The following SIAH3 variants were observed in gnomAD, a reference collection of about 807,000 sequenced individuals.
SIAH3 encodes the protein siah E3 ubiquitin protein ligase family member 3.
SIAH3 carries 9 observed loss-of-function variants against 12.6 expected under a neutral mutation model. The ratio of observed to expected loss-of-function variants is 0.72; its 90% CI spans 0.43 to 1.25. The LOEUF is 1.25. Ranked by LOEUF, SIAH3 falls within the 50% of genes most tolerant of loss-of-function variation. The probability of loss-of-function intolerance (pLI) is 0.00; values close to 1 mark genes in which losing one functional copy is unlikely to be tolerated. For missense variants in SIAH3, 390 were observed against 365.4 expected, an observed-to-expected ratio of 1.07 and a Z score of -0.55; for synonymous variants, 154 against 151.1, an observed-to-expected ratio of 1.02 and a Z score of -0.14.
At chr13:45,804,963 A>AACACACACACACAC (rs56315825) in intron 1 of SIAH3, among the ~76,000 whole-genome samples, 2 of 135,832 alleles carry the variant, frequency 1.5e-5, no homozygotes, top group Admixed American at 7.5e-5. Context: ...TCCCATTTAT[A>AACACACACACACAC]ACACACACAC....
intron 1 of SIAH3, among the ~76,000 whole-genome samples, chr13:45,792,328 C>A (rs1566087581): frequency 6.6e-6 from 1 of 151,678 alleles, no homozygotes. Flanking sequence ...TACCAGGGAG[C>A]TGCCACCATG....
chr13:45,780,805 A>C lies in SIAH3; in HGVS notation c.*2578T>G, dbSNP rs185051979. ...CCTGATGTGTGACCTTGAAAAGATC[A>C]CTTCATGTCTTAGAACCTCTATTCT... On this transcript the variant is annotated 3_prime_UTR_variant, in exon 2 of 2. Coordinates refer to ENST00000400405, the MANE Select transcript of SIAH3 (RefSeq NM_198849.3). 19 of 152,324 alleles carry C rather than the reference A, an allele frequency of 1.2e-4. No homozygotes were observed. The highest frequency in any genetic ancestry group is 6.5e-4 in the Admixed American group (10 of 15,300). 9.4% of individuals were successfully genotyped at this position (152,324 alleles called of 1,614,324 possible). A position where few individuals can be genotyped will look rare whatever the true frequency, so the allele number is the denominator to read the frequency against.
chr13:45,797,189 A>G (rs1278657995), intron 1 of SIAH3, among the ~76,000 whole-genome samples: 3 of 151,546 alleles, frequency 2.0e-5, no homozygotes, highest in African/African-American at 4.9e-5. Flanking sequence ...CTACATTTCA[A>G]CGTTGGTCCT....
At chr13:45,845,263 C>T (rs1028094198) in intron 1 of SIAH3, among the ~76,000 whole-genome samples, 1 of 88,596 alleles carries the variant, frequency 1.1e-5, no homozygotes, top group Non-Finnish European at 1.9e-5. Flanking sequence ...ATGCATTGTG[C>T]GTGTGTTAAA....
At chr13:45,803,133 T>G (rs906275203) in intron 1 of SIAH3, among the ~76,000 whole-genome samples, 3 of 152,020 alleles carry the variant, frequency 2.0e-5, no homozygotes, top group African/African-American at 7.2e-5. Flanking sequence ...AGGAGTGCCT[T>G]AATCTTTTAA....
chr13:45,818,393 T>A (rs7358871), intron 1 of SIAH3, among the ~76,000 whole-genome samples: 1 of 152,084 alleles, frequency 6.6e-6, no homozygotes, highest in Admixed American at 6.5e-5. Context: ...TAATGACTTC[T>A]AAAGAGATCA....
chr13:45,832,281 C>T (rs942090069), intron 1 of SIAH3, among the ~76,000 whole-genome samples: 2 of 152,174 alleles, frequency 1.3e-5, no homozygotes, highest in African/African-American at 4.8e-5. Context: ...GTGTGACCAT[C>T]GCCACTATCT....
chr13:45,845,366 G>GT (rs879788585), intron 1 of SIAH3, among the ~76,000 whole-genome samples: 5 of 152,096 alleles, frequency 3.3e-5, no homozygotes, highest in African/African-American at 9.7e-5. Context: ...GGCGGTTTGG[G>GT]TGACTGCATA....
chr13:45,829,741 T>C (rs1950691695), intron 1 of SIAH3, among the ~76,000 whole-genome samples: 1 of 152,182 alleles, frequency 6.6e-6, no homozygotes, highest in Non-Finnish European at 1.5e-5. Flanking sequence ...GGCAAAACTG[T>C]CTTGCTTGTT....
At chr13:45,850,397 A>G (rs1165377070) in intron 1 of SIAH3, among the ~76,000 whole-genome samples, 1 of 152,126 alleles carries the variant, frequency 6.6e-6, no homozygotes, top group Non-Finnish European at 1.5e-5. Context: ...AGAGGGACAG[A>G]TCTATCCTCA....
chr13:45,788,242 G>T (rs1275850165), intron 1 of SIAH3, among the ~76,000 whole-genome samples: 2 of 152,188 alleles, frequency 1.3e-5, no homozygotes, highest in African/African-American at 2.4e-5. Flanking sequence ...AGGGAGAAGG[G>T]ATTCTTTTAA....
chr13:45,844,187 G>T (rs1269374049), intron 1 of SIAH3, among the ~76,000 whole-genome samples: 1 of 152,190 alleles, frequency 6.6e-6, no homozygotes, highest in African/African-American at 2.4e-5. Flanking sequence ...GTGTCAAGTT[G>T]ACTGAATTTA....
At chr13:45,793,264 G>A (rs1020424921) in intron 1 of SIAH3, among the ~76,000 whole-genome samples, 1 of 152,198 alleles carries the variant, frequency 6.6e-6, no homozygotes, top group African/African-American at 2.4e-5. Flanking sequence ...GGTTACAAAT[G>A]GGCAGAGGTG....
intron 1 of SIAH3, among the ~76,000 whole-genome samples, chr13:45,828,542 C>T (rs970544218): frequency 3.0e-4 from 45 of 152,256 alleles, no homozygotes; most frequent in African/African-American, 1.0e-3. Context: ...CACTATTTTG[C>T]GAGACTCAAA....
At position 45,801,103 on chromosome 13, in the gene SIAH3, G is replaced by GT. The variant is rs901481988; in HGVS notation, c.136-17047_136-17046insA. 1.5e-4 allele frequency among the ~76,000 whole-genome samples: 22 copies of GT among 149,932 alleles called. No homozygotes were observed. The East Asian group carries it at 2.2e-3, about 15-fold the overall frequency. On this transcript the variant is annotated intron_variant, in intron 1 of 1. Transcript: ENST00000400405. Reference sequence around the variant, plus strand: ...GGTGAAGTGATGGGTGGCGGGGGGGGGCATGGCTGTAGACGTTGCTATTTT... The same window carrying GT: ...GGTGAAGTGATGGGTGGCGGGGGGGGTGCATGGCTGTAGACGTTGCTATTTT...
At chr13:45,784,397 T>C (rs1950518656) in intron 1 of SIAH3, among the ~76,000 whole-genome samples, 1 of 67,826 alleles carries the variant, frequency 1.5e-5, no homozygotes, top group African/African-American at 7.9e-5. Flanking sequence ...CAAAGACAGC[T>C]GTTTTTTTTT....
In SIAH3 at chr13:45,814,732, C is replaced by CTTTTTTTTTTTTT. The variant is rs11386908; in HGVS notation, c.136-30676_136-30675insAAAAAAAAAAAAA. On this transcript the variant is annotated intron_variant, in intron 1 of 1. Transcript: ENST00000400405. Reference sequence around the variant, plus strand: ...AAAGTAATTGCGGGTTTTGCCATTACTTTTTTTTTTTGAGACAGAGGCTCC... The same window carrying CTTTTTTTTTTTTT: ...AAAGTAATTGCGGGTTTTGCCATTACTTTTTTTTTTTTTTTTTTTTTTTTGAGACAGAGGCTCC... Among the ~76,000 whole-genome samples, 187 of 146,722 alleles carry CTTTTTTTTTTTTT rather than the reference C, an allele frequency of 1.3e-3. 1 individual carries two copies. The highest frequency in any genetic ancestry group is 4.6e-3 in the African/African-American group (177 of 38,668).
chr13:45,796,344 G>A (rs1950562698), intron 1 of SIAH3, among the ~76,000 whole-genome samples: 1 of 152,152 alleles, frequency 6.6e-6, no homozygotes, highest in Non-Finnish European at 1.5e-5. Context: ...GGGCGGGGGG[G>A]AGGCGCTCAA....
chr13:45,796,910 A>G (rs1208136461), intron 1 of SIAH3, among the ~76,000 whole-genome samples: 1 of 152,154 alleles, frequency 6.6e-6, no homozygotes, highest in Non-Finnish European at 1.5e-5. Flanking sequence ...GTAGCTGGGT[A>G]CATATTTAAT....
Sources: allele counts gnomAD v4.1 joint callset (sites outside exome capture counted in the v4.1 genomes callset), GRCh38; gene constraint gnomAD v4.1.1; transcripts MANE v1.5; gene names NCBI Gene and HGNC (gene_info 2026-07-23, HGNC 2026-07-21).